Variants in HTT-AS observed in about 807,000 individuals in gnomAD.
HTT-AS encodes the protein HTT antisense RNA (head to head).
intron 1 of HTT-AS, among the ~76,000 whole-genome samples, chr4:3,074,082 C>A (rs1355751355): frequency 6.9e-6 from 1 of 144,954 alleles, no homozygotes; most frequent in African/African-American, 2.6e-5. Flanking sequence ...GCGCCCCACC[C>A]CTCCCTCGCC....
At chr4:3,052,852 C>T (rs1016205054) in intron 2 of HTT-AS, among the ~76,000 whole-genome samples, 7 of 152,090 alleles carry the variant, frequency 4.6e-5, no homozygotes, top group Admixed American at 2.6e-4. Context: ...AAAAATTAGC[C>T]GGGCATGGCG....
chr4:3,055,920 C>T (rs545089800), intron 2 of HTT-AS, among the ~76,000 whole-genome samples: 2 of 152,272 alleles, frequency 1.3e-5, no homozygotes, highest in East Asian at 1.9e-4. Flanking sequence ...GGTTAATTAC[C>T]GTATCAAATC....
chr4:3,055,995 A>G (rs1711797177), intron 2 of HTT-AS, among the ~76,000 whole-genome samples: 1 of 152,198 alleles, frequency 6.6e-6, no homozygotes, highest in African/African-American at 2.4e-5. Flanking sequence ...AAATTTGCAC[A>G]AAGAAAACTC....
At chr4:3,047,990 C>G (rs1275435873), downstream of HTT-AS, among the ~76,000 whole-genome samples, 1 of 152,194 alleles carries the variant, frequency 6.6e-6, no homozygotes, top group Non-Finnish European at 1.5e-5. Context: ...GTGACCTGAC[C>G]TATCATTGGA....
chr4:3,048,067 T>C (rs987599823), downstream of HTT-AS, among the ~76,000 whole-genome samples: 4 of 152,094 alleles, frequency 2.6e-5, no homozygotes, highest in Non-Finnish European at 5.9e-5. Context: ...AGCCAGGCAT[T>C]CGGGGCCACT....
chr4:3,056,305 T>A (rs149277163), intron 2 of HTT-AS, among the ~76,000 whole-genome samples: 75 of 152,300 alleles, frequency 4.9e-4, no homozygotes, highest in African/African-American at 1.7e-3. Context: ...TGCTTCATGG[T>A]CAGAACAAAT....
chr4:3,052,837 TA>T (rs971359645), intron 2 of HTT-AS, among the ~76,000 whole-genome samples: 18 of 150,682 alleles, frequency 1.2e-4, no homozygotes, highest in Non-Finnish European at 1.0e-4. Flanking sequence ...AAAATAAAAA[TA>T]AAAAAAAATT....
At chr4:3,060,543 A>T (rs1439266219) in intron 2 of HTT-AS, among the ~76,000 whole-genome samples, 1 of 152,258 alleles carries the variant, frequency 6.6e-6, no homozygotes, top group Non-Finnish European at 1.5e-5. Context: ...TTAGGCAGAT[A>T]CTGAGGGTAA....
At chr4:3,048,958 T>C (rs946562124), downstream of HTT-AS, among the ~76,000 whole-genome samples, 1 of 152,232 alleles carries the variant, frequency 6.6e-6, no homozygotes, top group African/African-American at 2.4e-5. Context: ...TTAAAGTTTC[T>C]CACCTACACT....
intron 1 of HTT-AS, among the ~76,000 whole-genome samples, chr4:3,068,627 C>G (rs2110124759): frequency 6.7e-6 from 1 of 149,934 alleles, no homozygotes; most frequent in Non-Finnish European, 1.5e-5. Context: ...GTGTCTCTAT[C>G]TTTTGTAACA....
chr4:3,051,581 A>G (rs1711703723), intron 2 of HTT-AS, among the ~76,000 whole-genome samples: 1 of 152,006 alleles, frequency 6.6e-6, no homozygotes, highest in African/African-American at 2.4e-5. Flanking sequence ...CACACAGCAA[A>G]AGGGTAAGAA....
downstream of HTT-AS, among the ~76,000 whole-genome samples, chr4:3,048,984 A>T (rs867695054): frequency 6.6e-6 from 1 of 152,202 alleles, no homozygotes; most frequent in Non-Finnish European, 1.5e-5. Flanking sequence ...TTCATCTTTT[A>T]TCTATCAAAG....
At chr4:3,052,731 G>A (rs1427976705) in intron 2 of HTT-AS, among the ~76,000 whole-genome samples, 4 of 152,064 alleles carry the variant, frequency 2.6e-5, no homozygotes, top group African/African-American at 4.8e-5. Flanking sequence ...GCTCACGCCT[G>A]TAATCCTAGC....
intron 2 of HTT-AS, among the ~76,000 whole-genome samples, chr4:3,052,689 T>C (rs1242596758): frequency 1.3e-5 from 2 of 152,016 alleles, no homozygotes; most frequent in Non-Finnish European, 2.9e-5. Flanking sequence ...CAGGATCTGG[T>C]ATAAAAACGA....
exon 3 of HTT-AS, among the ~76,000 whole-genome samples, chr4:3,049,614 G>A (rs1411612220): frequency 6.6e-6 from 1 of 152,034 alleles, no homozygotes; most frequent in Non-Finnish European, 1.5e-5. Context: ...ATGAACCCAA[G>A]TTTCAAGATC....
chr4:3,056,548 A>C (rs997574950), intron 2 of HTT-AS, among the ~76,000 whole-genome samples: 3 of 152,198 alleles, frequency 2.0e-5, no homozygotes, highest in African/African-American at 7.2e-5. Flanking sequence ...CAAATACAGA[A>C]GTACAGAGTC....
intron 2 of HTT-AS, among the ~76,000 whole-genome samples, chr4:3,054,965 C>T (rs1236328822): frequency 2.0e-5 from 3 of 151,836 alleles, no homozygotes; most frequent in African/African-American, 7.3e-5. Context: ...TGCCCGCCTC[C>T]ACCTCCCAAA....
At chr4:3,061,617 G>A (rs182174757) in intron 2 of HTT-AS, among the ~76,000 whole-genome samples, 33 of 149,488 alleles carry the variant, frequency 2.2e-4, no homozygotes, top group African/African-American at 7.9e-4. Context: ...AGAAGGAAGA[G>A]GTTGCAGTGA....
chr4:3,068,986 TGGCA>T (rs1423475559), intron 1 of HTT-AS, among the ~76,000 whole-genome samples: 1 of 152,144 alleles, frequency 6.6e-6, no homozygotes, highest in Non-Finnish European at 1.5e-5. Flanking sequence ...TTAAAACACA[TGGCA>T]ATAATACCCT....
Sources: allele counts gnomAD v4.1 joint callset (sites outside exome capture counted in the v4.1 genomes callset), GRCh38; gene constraint gnomAD v4.1.1; transcripts MANE v1.5; gene names NCBI Gene and HGNC (gene_info 2026-07-23, HGNC 2026-07-21).